Variants in HTR4 observed in about 807,000 individuals in gnomAD.
HTR4 encodes the protein 5-hydroxytryptamine receptor 4.
In HTR4, 16 loss-of-function variants were observed where a neutral mutation model predicts 36.8. The ratio of observed to expected loss-of-function variants is 0.43; its 90% CI spans 0.29 to 0.66. HTR4 has a LOEUF of 0.66. Ranked by LOEUF, HTR4 falls within the 30% of genes least tolerant of loss-of-function variation. The pLI, the probability that HTR4 is intolerant of heterozygous loss-of-function variation, is 0.13. For synonymous variants in HTR4, 189 were observed against 185.1 expected (o/e 1.02, Z -0.17); for missense variants, 438 against 490.9 (o/e 0.89, Z 1.02).
At chr5:148,490,560 CA>C (rs369133812) in intron 6 of HTR4, 9 of 1,119,212 alleles carry the variant, frequency 8.0e-6, no homozygotes, top group South Asian at 4.3e-5. Context: ...CACAGAATCA[CA>C]AAAAAAGGGG....
chr5:148,504,081 T>C (rs1280610815), intron 6 of HTR4, among the ~76,000 whole-genome samples: 1 of 152,144 alleles, frequency 6.6e-6, no homozygotes, highest in African/African-American at 2.4e-5. Context: ...ATTAGACAGA[T>C]CAATGAGACA....
intron 2 of HTR4, among the ~76,000 whole-genome samples, chr5:148,591,264 C>T (rs1013846566): frequency 7.9e-5 from 12 of 152,146 alleles, no homozygotes; most frequent in Admixed American, 2.0e-4. Context: ...AGTAACATTA[C>T]GCCTCCATCT....
chr5:148,488,286 G>T (rs1335993631), intron 6 of HTR4, among the ~76,000 whole-genome samples: 3 of 152,146 alleles, frequency 2.0e-5, no homozygotes, highest in African/African-American at 7.2e-5. Flanking sequence ...ACAGCAAGGG[G>T]ATTCAAATTA....
chr5:148,514,194 T>C (rs1431362884), intron 5 of HTR4, among the ~76,000 whole-genome samples: 1 of 152,174 alleles, frequency 6.6e-6, no homozygotes, highest in Non-Finnish European at 1.5e-5. Context: ...TTTTAGGGGA[T>C]GAGCCTTCAA....
In HTR4 at chr5:148,624,341, A is replaced by G. The variant is rs147007415; in HGVS notation, c.26+12648T>C. On this transcript the variant is annotated intron_variant, in intron 2 of 6. Transcript: ENST00000377888. Reference sequence around the variant, plus strand: ...TGTATAAATTTGGGCAAGCTAATTAACTTTTCTGCACCTCAATATGAAATG... The same window carrying G: ...TGTATAAATTTGGGCAAGCTAATTAGCTTTTCTGCACCTCAATATGAAATG... Among the ~76,000 whole-genome samples, 14 of 152,328 alleles carry G rather than the reference A, an allele frequency of 9.2e-5. No individual in the cohort carries two copies. The East Asian group carries it at 2.7e-3, about 29-fold the overall frequency.
intron 4 of HTR4, among the ~76,000 whole-genome samples, chr5:148,526,368 G>A (rs1758277353): frequency 6.6e-6 from 1 of 152,010 alleles, no homozygotes; most frequent in African/African-American, 2.4e-5. Context: ...TCAAGTTTTG[G>A]CATCCTTTCT....
intron 5 of HTR4, chr5:148,520,787 C>G: frequency 2.9e-6 from 3 of 1,036,126 alleles, no homozygotes; most frequent in Non-Finnish European, 4.0e-6. Context: ...TTCATTTCCT[C>G]CAGGAATGGT....
intron 1 of HTR4, among the ~76,000 whole-genome samples, chr5:148,651,133 A>C (rs1754019858): frequency 6.6e-6 from 1 of 152,210 alleles, no homozygotes; most frequent in African/African-American, 2.4e-5. Context: ...ATGAAGATTA[A>C]ATAAGATCAT....
At chr5:148,648,192 G>T (rs1753929975) in intron 1 of HTR4, among the ~76,000 whole-genome samples, 1 of 152,140 alleles carries the variant, frequency 6.6e-6, no homozygotes. Context: ...CTCAAAAAGG[G>T]CAACAACAGA....
Position 148,509,456 on chromosome 5 carries a change from C to CT in HTR4, c.1075dup (p.Arg359LysfsTer29). ...CAATGAACTCCCTTAGTATACTCAC[C>CT]TTAGTACATGTGTGGATCCATTAAT... On this transcript the variant is annotated frameshift_variant and splice_region_variant, in exon 6 of 7. Transcript: ENST00000377888. LOFTEE classifies it high-confidence loss of function. The CT allele has an allele frequency of 6.2e-7, 1 of 1,600,574 alleles. No individual in the cohort carries two copies. The highest frequency in any genetic ancestry group is 2.2e-5 in the East Asian group (1 of 44,728).
At chr5:148,629,863 A>G (rs1183594199) in intron 2 of HTR4, 1 of 152,200 alleles carries the variant, frequency 6.6e-6, no homozygotes, top group African/African-American at 2.4e-5. Context: ...TCAATCAATG[A>G]GAGCCAGAAG....
At chr5:148,514,107 C>T (rs1395875700) in intron 5 of HTR4, among the ~76,000 whole-genome samples, 1 of 152,000 alleles carries the variant, frequency 6.6e-6, no homozygotes, top group African/African-American at 2.4e-5. Flanking sequence ...CTTTCTCTTG[C>T]TTTATTGAGC....
At chr5:148,625,340 C>T (rs1055720198) in intron 2 of HTR4, among the ~76,000 whole-genome samples, 2 of 152,066 alleles carry the variant, frequency 1.3e-5, no homozygotes, top group African/African-American at 4.8e-5. Context: ...AAAAAGGGTA[C>T]TAGTTATTAT....
intron 2 of HTR4, among the ~76,000 whole-genome samples, chr5:148,622,169 T>C (rs1176000307): frequency 6.6e-6 from 1 of 152,200 alleles, no homozygotes; most frequent in African/African-American, 2.4e-5. Context: ...TAGTACATTT[T>C]GAGAAACTTC....
At chr5:148,562,855 TC>T (rs1760274408) in intron 2 of HTR4, among the ~76,000 whole-genome samples, 1 of 152,152 alleles carries the variant, frequency 6.6e-6, no homozygotes, top group South Asian at 2.1e-4. Context: ...CGTTTCCTGA[TC>T]CCAACCCTTT....
intron 5 of HTR4, among the ~76,000 whole-genome samples, chr5:148,459,911 C>A (rs935725707): frequency 2.0e-5 from 3 of 151,968 alleles, no homozygotes; most frequent in Non-Finnish European, 4.4e-5. Flanking sequence ...AGATGACATG[C>A]AAGAACAGAT....
At chr5:148,505,908 T>G (rs1193642331) in intron 6 of HTR4, among the ~76,000 whole-genome samples, 2 of 152,188 alleles carry the variant, frequency 1.3e-5, no homozygotes, top group Admixed American at 1.3e-4. Context: ...TCCATGCTCA[T>G]GGATAGGAAG....
chr5:148,635,571 T>C (rs917936063), intron 2 of HTR4, among the ~76,000 whole-genome samples: 5 of 152,150 alleles, frequency 3.3e-5, no homozygotes, highest in African/African-American at 1.2e-4. Flanking sequence ...AATAAATGTT[T>C]AAAAGCTAGA....
chr5:148,652,531 G>A (rs926100691), intron 1 of HTR4, among the ~76,000 whole-genome samples: 1 of 152,164 alleles, frequency 6.6e-6, no homozygotes, highest in Admixed American at 6.5e-5. Context: ...CATTTGATTT[G>A]TTGGCTTCAA....
Sources: gnomAD v4.1 joint callset for allele counts (sites outside exome capture counted in the v4.1 genomes callset) on GRCh38, gnomAD v4.1.1 for gene constraint, MANE v1.5 for transcripts, NCBI Gene and HGNC (gene_info 2026-07-23, HGNC 2026-07-21) for gene names.